The following SYT16 variants were observed in gnomAD, a reference collection of about 807,000 sequenced individuals.
SYT16 encodes the protein synaptotagmin-16.
SYT16 carries 42 observed loss-of-function variants against 61.4 expected under a neutral mutation model. The observed-to-expected ratio is 0.68, with a 90% confidence interval of 0.53 to 0.89. The LOEUF (loss-of-function observed/expected upper bound fraction) is 0.89, where lower values mean the gene tolerates loss of function less well. Among genes scored for constraint, SYT16 ranks in the 40% least tolerant of loss-of-function variants. The pLI is 0.00. For synonymous variants in SYT16, 314 were observed against 302.3 expected, an observed-to-expected ratio of 1.04 and a Z score of -0.40; for missense variants, 804 against 807.3, an observed-to-expected ratio of 1.00 and a Z score of 0.05.
chr14:61,986,308 A>C (rs993173651), intron 2 of SYT16, among the ~76,000 whole-genome samples: 1 of 151,990 alleles, frequency 6.6e-6, no homozygotes, highest in Non-Finnish European at 1.5e-5. Context: ...AATAAATGCC[A>C]AATTTATGAT....
Position 62,084,221 on chromosome 14 carries a change from C to T in SYT16, c.1460C>T (p.Ser487Phe). The change falls in exon 7 of 8, where the codon TCT (serine) becomes TTT (phenylalanine). Residue 487 changes from serine to phenylalanine, a missense_variant. By Grantham distance (155) the Ser-to-Phe change is radical. Transcript: ENST00000683842. ...ISSGGSPLSPSAVSHSDSTSS... is the reference protein window; with the variant it reads ...ISSGGSPLSPFAVSHSDSTSS... Reference sequence around the variant, plus strand: ...AGTGGAGGGTCTCCGCTCAGCCCATCTGCGGTTTCTCACAGTGATAGTACT... The same window carrying T: ...AGTGGAGGGTCTCCGCTCAGCCCATTTGCGGTTTCTCACAGTGATAGTACT... 1 of 1,613,838 alleles carries T rather than the reference C, an allele frequency of 6.2e-7. No homozygotes were observed. Among genetic ancestry groups the T allele is most frequent in the Non-Finnish European group, 8.5e-7 (1 of 1,179,838 alleles).
intron 1 of SYT16, among the ~76,000 whole-genome samples, chr14:61,928,732 G>A (rs568548887): frequency 1.3e-5 from 2 of 152,294 alleles, no homozygotes; most frequent in Admixed American, 6.5e-5. Context: ...TAAGCACACC[G>A]GAGGTGTCTG....
chr14:61,906,783 G>T (rs866250931), intron 1 of SYT16, among the ~76,000 whole-genome samples: 1 of 57,674 alleles, frequency 1.7e-5, no homozygotes, highest in Non-Finnish European at 3.2e-5. Context: ...CCATCCGTCC[G>T]TCCGTCCATC....
intron 1 of SYT16, among the ~76,000 whole-genome samples, chr14:61,888,345 T>C (rs1009206638): frequency 1.3e-5 from 2 of 152,116 alleles, no homozygotes; most frequent in African/African-American, 4.8e-5. Context: ...CTCAAACTCC[T>C]GATCTCAAGA....
chr14:61,891,557 C>T (rs1279287817), intron 1 of SYT16, among the ~76,000 whole-genome samples: 1 of 152,116 alleles, frequency 6.6e-6, no homozygotes, highest in Non-Finnish European at 1.5e-5. Context: ...GCTGGAGGGA[C>T]CAACAGCTGG....
chr14:61,981,115 G>A (rs1259418950), intron 2 of SYT16, among the ~76,000 whole-genome samples: 2 of 152,202 alleles, frequency 1.3e-5, no homozygotes, highest in Non-Finnish European at 2.9e-5. Context: ...ACTGTCTGCT[G>A]CACAATTCCT....
chr14:61,907,927 G>C (rs12433612), intron 1 of SYT16, among the ~76,000 whole-genome samples: 35,837 of 152,194 alleles, frequency 0.24, 5,328 homozygotes, highest in East Asian at 0.43. Context: ...AGGTGCCACA[G>C]GATCTTTAGG....
At chr14:61,848,133 G>T (rs2046498849) in intron 1 of SYT16, among the ~76,000 whole-genome samples, 1 of 152,152 alleles carries the variant, frequency 6.6e-6, no homozygotes, top group Non-Finnish European at 1.5e-5. Flanking sequence ...TCTGTGTCTG[G>T]ACATTGAAGA....
chr14:61,831,246 G>C (rs1039011774), intron 1 of SYT16, among the ~76,000 whole-genome samples: 2 of 152,192 alleles, frequency 1.3e-5, no homozygotes, highest in East Asian at 1.9e-4. Flanking sequence ...GAGGGACAGA[G>C]AGCAGACTTT....
At chr14:61,985,494 C>G (rs2052267377) in intron 2 of SYT16, among the ~76,000 whole-genome samples, 1 of 152,008 alleles carries the variant, frequency 6.6e-6, no homozygotes, top group South Asian at 2.1e-4. Flanking sequence ...TTTCCTCATC[C>G]CAGAGTGGGG....
At chr14:62,086,983 G>A (rs1478945410) in intron 7 of SYT16, among the ~76,000 whole-genome samples, 1 of 152,200 alleles carries the variant, frequency 6.6e-6, no homozygotes, top group East Asian at 1.9e-4. Context: ...ATTAGGAAGG[G>A]ATGAGAAAGT....
intron 3 of SYT16, among the ~76,000 whole-genome samples, chr14:62,063,447 C>G (rs748971393): frequency 6.6e-5 from 10 of 152,162 alleles, no homozygotes; most frequent in Non-Finnish European, 1.3e-4. Context: ...GTCTTCTCAA[C>G]AATTTTAAGA....
chr14:61,952,132 ATT>A (rs5809133), intron 1 of SYT16, among the ~76,000 whole-genome samples: 19 of 144,942 alleles, frequency 1.3e-4, no homozygotes, highest in African/African-American at 3.0e-4. Context: ...ATTCATGCTG[ATT>A]TTTTTTTTTT....
rs1406123836 is a variant in SYT16, at chr14:62,046,272, A to G, written c.524-23331A>G. ...CTTCTTTTGAGAAGTGTCTGTTCAT[A>G]TCCTTCGCCCACTTTTTGATGGGGT... On this transcript the variant is annotated intron_variant, in intron 3 of 7. Coordinates refer to ENST00000683842, the MANE Select transcript of SYT16 (RefSeq NM_001367656.1). Among the ~76,000 whole-genome samples the G allele has an allele frequency of 4.6e-5, 7 of 152,214 alleles. No individual in the cohort carries two copies. In the East Asian group the frequency reaches 9.7e-4, roughly 21 times the overall value.
In SYT16 at chr14:62,058,139, A is replaced by G. The variant is rs183139297; in HGVS notation, c.524-11464A>G. On this transcript the variant is annotated intron_variant, in intron 3 of 7. Coordinates refer to ENST00000683842, the MANE Select transcript of SYT16 (RefSeq NM_001367656.1). ...CCTTTTGATTTCTGAGTAATATTTC[A>G]TTGTATTTATATACCACAATTTGTT... 4.3e-4 allele frequency among the ~76,000 whole-genome samples: 65 copies of G among 152,152 alleles called. No homozygotes were observed. In the East Asian group the frequency reaches 0.01, roughly 24 times the overall value.
At chr14:62,092,947 T>C (rs1269099798) in intron 7 of SYT16, among the ~76,000 whole-genome samples, 2 of 152,090 alleles carry the variant, frequency 1.3e-5, no homozygotes, top group Non-Finnish European at 2.9e-5. Flanking sequence ...TCAGAGGATA[T>C]TGCAAAACCA....
intron 1 of SYT16, among the ~76,000 whole-genome samples, chr14:61,894,925 G>C (rs914726000): frequency 6.6e-6 from 1 of 152,158 alleles, no homozygotes; most frequent in Non-Finnish European, 1.5e-5. Context: ...TTGTTGGGGG[G>C]CAGTTTCTGG....
chr14:62,020,393 C>T (rs1595174496), intron 3 of SYT16, among the ~76,000 whole-genome samples: 1 of 151,988 alleles, frequency 6.6e-6, no homozygotes, highest in East Asian at 1.9e-4. Context: ...CACATGTGAT[C>T]CTACCGCATA....
chr14:62,089,401 G>A (rs548246554), intron 7 of SYT16, among the ~76,000 whole-genome samples: 1 of 151,960 alleles, frequency 6.6e-6, no homozygotes, highest in African/African-American at 2.4e-5. Context: ...TCCATCACAA[G>A]GGAAAGTATT....
Sources: gnomAD v4.1 joint callset for allele counts (sites outside exome capture counted in the v4.1 genomes callset) on GRCh38, gnomAD v4.1.1 for gene constraint, MANE v1.5 for transcripts, NCBI Gene and HGNC (gene_info 2026-07-23, HGNC 2026-07-21) for gene names.